The following GPATCH1 variants were observed in gnomAD, a reference collection of about 807,000 sequenced individuals.
GPATCH1 encodes G patch domain-containing protein 1.
A neutral mutation model predicts 114.9 loss-of-function variants in GPATCH1; 73 were observed. That is an observed-to-expected ratio of 0.64 (90% CI 0.53 to 0.77). The LOEUF (loss-of-function observed/expected upper bound fraction) is 0.77. GPATCH1 is among the 30% of genes least tolerant of loss of function. The pLI is 0.00. For synonymous variants in GPATCH1, 391 were observed against 428.4 expected, an observed-to-expected ratio of 0.91 and a Z score of 1.08; for missense variants, 1,058 against 1,144.3, an observed-to-expected ratio of 0.92 and a Z score of 1.09.
In GPATCH1 at chr19:33,113,726, C is replaced by T. The variant is rs367731719; in HGVS notation, c.1893-41C>T. On this transcript the variant is annotated intron_variant, in intron 13 of 19. Coordinates refer to ENST00000170564, the MANE Select transcript of GPATCH1 (RefSeq NM_018025.3). ...AGCTTTTCAGGAGGTGGATTTTGTCCTACTGGTTGTTACTAAAATGATTCT... is the reference window on the plus strand; with the variant it reads ...AGCTTTTCAGGAGGTGGATTTTGTCTTACTGGTTGTTACTAAAATGATTCT... 41 of 1,592,862 alleles carry T rather than the reference C, an allele frequency of 2.6e-5. No homozygotes were observed. The African/African-American group carries it at 3.5e-4, about 14-fold the overall frequency.
intron 1 of GPATCH1, among the ~76,000 whole-genome samples, chr19:33,085,138 A>G (rs935477980): frequency 2.6e-5 from 4 of 152,230 alleles, no homozygotes; most frequent in Middle Eastern, 3.4e-3. Context: ...GTGTCCTGAG[A>G]ACGGGAGCAG....
intron 3 of GPATCH1, among the ~76,000 whole-genome samples, chr19:33,092,472 G>A (rs1363374043): frequency 1.3e-5 from 2 of 152,122 alleles, no homozygotes; most frequent in Non-Finnish European, 2.9e-5. Flanking sequence ...AAGGAAAGTG[G>A]GATCAAAATG....
At position 33,090,763 on chromosome 19, in the gene GPATCH1, A is replaced by G. The variant is rs763932616; in HGVS notation, c.209-17A>G. 1.2e-5 allele frequency: 18 copies of G among 1,564,646 alleles called. No homozygotes were observed. On this transcript the variant is annotated splice_polypyrimidine_tract_variant and intron_variant, in intron 2 of 19. Transcript: ENST00000170564. Reference sequence around the variant, plus strand: ...TACTCTCTAGGATTGTAAAGTTCTAAACTCTTTTTTTTTCAGGATGGACAC... The same window carrying G: ...TACTCTCTAGGATTGTAAAGTTCTAGACTCTTTTTTTTTCAGGATGGACAC...
rs1461539215 is a variant in GPATCH1 at position 33,113,922 on chromosome 19, G to T, written c.2029+19G>T. 6.2e-7 allele frequency: 1 copy of T among 1,612,090 alleles called. No homozygotes were observed. Among genetic ancestry groups the T allele is most frequent in the Non-Finnish European group, 8.5e-7 (1 of 1,178,856 alleles). ...CCCGACAGTGAGTAGGGCGTCCCCG[G>T]GGTCTCTGATTGACCAGGGCCTCAA... is the stretch of plus-strand genomic sequence containing the variant. On this transcript the variant is annotated intron_variant, in intron 14 of 19. Coordinates refer to ENST00000170564, the MANE Select transcript of GPATCH1 (RefSeq NM_018025.3).
intron 13 of GPATCH1, 73 bp from the exon 14 acceptor site, chr19:33,113,694 G>A: frequency 7.4e-7 from 1 of 1,357,942 alleles, no homozygotes; most frequent in Non-Finnish European, 1.0e-6. Flanking sequence ...GAAAACTTGA[G>A]ATGGAAAGCT....
chr19:33,088,395 A>C (rs11672590), intron 2 of GPATCH1, 127 bp downstream of exon 2: 109,994 of 677,056 alleles, frequency 0.16, 10,269 homozygotes, highest in East Asian at 0.35. Flanking sequence ...CCCAGGCTGG[A>C]GTGCTGTTGT....
At position 33,096,457 on chromosome 19, in the gene GPATCH1, T is replaced by C. The variant is rs1388986731; in HGVS notation, c.852+11T>C. ...GGAATTTCAGGCCAGGTAAAATTAT[T>C]TTCTATTTTATAAAGGGGGAGTCAT... On this transcript the variant is annotated intron_variant, in intron 7 of 19. Coordinates refer to ENST00000170564, the MANE Select transcript of GPATCH1 (RefSeq NM_018025.3). 2 of 1,600,388 alleles carry C rather than the reference T, an allele frequency of 1.2e-6. No individual in the cohort carries two copies. The highest frequency in any genetic ancestry group is 4.5e-5 in the East Asian group (2 of 44,794).
intron 17 of GPATCH1, 121 bp downstream of exon 17, chr19:33,119,238 T>G: frequency 1.9e-6 from 1 of 539,130 alleles, no homozygotes; most frequent in Non-Finnish European, 3.3e-6. Flanking sequence ...ATGTTTTCAG[T>G]CATATTTTAA....
At chr19:33,125,437 T>C (rs1973030680) in intron 18 of GPATCH1, among the ~76,000 whole-genome samples, 1 of 151,934 alleles carries the variant, frequency 6.6e-6, no homozygotes, top group African/African-American at 2.4e-5. Flanking sequence ...CTCACTCTGT[T>C]GCCTAGGGTG....
intron 17 of GPATCH1, among the ~76,000 whole-genome samples, chr19:33,123,163 G>A (rs1973004844): frequency 6.6e-6 from 1 of 151,912 alleles, no homozygotes; most frequent in South Asian, 2.1e-4. Context: ...ACTTTGTGGG[G>A]GCCAAGGTGG....
intron 9 of GPATCH1, among the ~76,000 whole-genome samples, chr19:33,103,744 A>G (rs140964284): frequency 2.7e-4 from 41 of 152,240 alleles, no homozygotes; most frequent in African/African-American, 8.7e-4. Context: ...TTTAAAAATG[A>G]TGGAGAAGCA....
intron 2 of GPATCH1, among the ~76,000 whole-genome samples, chr19:33,090,167 G>A (rs1297277219): frequency 6.6e-6 from 1 of 152,154 alleles, no homozygotes; most frequent in African/African-American, 2.4e-5. Flanking sequence ...GCACATGCTC[G>A]GTAACCGTGG....
At chr19:33,081,551 A>C (rs990746761) in intron 1 of GPATCH1, among the ~76,000 whole-genome samples, 1 of 152,152 alleles carries the variant, frequency 6.6e-6, no homozygotes, top group Non-Finnish European at 1.5e-5. Flanking sequence ...GTGCTCAGGC[A>C]GTGTCTTCCC....
chr19:33,125,252 G>C, intron 18 of GPATCH1, 50 bp downstream of exon 18: 1 of 1,560,072 alleles, frequency 6.4e-7, no homozygotes. Flanking sequence ...GGACCCGCTG[G>C]TCAGCCCCCA....
At chr19:33,097,398 G>A (rs1044296371) in intron 7 of GPATCH1, among the ~76,000 whole-genome samples, 1 of 152,202 alleles carries the variant, frequency 6.6e-6, no homozygotes, top group Non-Finnish European at 1.5e-5. Context: ...GGCCCAGGCC[G>A]CATTGATCAG....
chr19:33,111,735 C>T lies in GPATCH1; in HGVS notation c.1597C>T (p.Arg533Cys), dbSNP rs199600872. The part of the protein sequence containing the change: ...MKQGQKDALE[R>C]CLDPSMTEWE... The stretch of plus-strand genomic sequence containing the variant: ...CTCTGCCCCCGCAGATGCTCTGGAA[C>T]GCTGTCTGGACCCCAGCATGACAGA... The change falls in exon 12 of 20, where the codon CGC becomes TGC. Residue 533 changes from arginine (R) to cysteine (C), a missense_variant. Arg to Cys is a radical substitution (Grantham distance 180, BLOSUM62 -3). Coordinates refer to ENST00000170564, the MANE Select transcript of GPATCH1 (RefSeq NM_018025.3). 1.1e-4 allele frequency: 173 copies of T among 1,613,894 alleles called. 1 individual carries two copies. The highest frequency in any genetic ancestry group is 6.0e-4 in the Admixed American group (36 of 59,992).
chr19:33,126,712 C>A lies in GPATCH1; in HGVS notation c.2744C>A (p.Ser915Ter). ...SQSDEETADV[S>*]PQELLRRLKS... ...AGTGACGAGGAAACCGCAGACGTGT[C>A]GCCCCAGGAGCTGCTGAGACGGTGG... The change falls in exon 19 of 20, where the codon TCG becomes TAG. Residue 915 changes from serine to a stop codon, truncating the protein, a stop_gained. Transcript: ENST00000170564. LOFTEE classifies it high-confidence loss of function. 1 of 1,613,364 alleles carries A rather than the reference C, an allele frequency of 6.2e-7. No homozygotes were observed. Among genetic ancestry groups the A allele is most frequent in the Non-Finnish European group, 8.5e-7 (1 of 1,179,876 alleles).
chr19:33,093,419 A>C lies in GPATCH1; in HGVS notation c.355A>C (p.Lys119Gln). ...AIVTTDDFAS[K>Q]TKDRIREKAR... ...TGTCACCACAGACGATTTTGCCTCC[A>C]AAACCAAAGACAGAATACGAGAAAA... Residue 119 changes from lysine to glutamine, a missense_variant, in exon 4 of 20, where the codon AAA becomes CAA. Physicochemically the swap from Lys to Gln is moderately conservative, Grantham distance 53. Around this residue, in one of 3 missense-constraint regions of GPATCH1, gnomAD observed 34 missense variants for 59.6 expected, o/e 0.57. Transcript: ENST00000170564. The C allele has an allele frequency of 1.2e-6, 2 of 1,613,960 alleles. No individual in the cohort carries two copies. Among genetic ancestry groups the C allele is most frequent in the Admixed American group, 1.7e-5 (1 of 59,996 alleles).
In GPATCH1 at chr19:33,097,799, T is replaced by C. The variant is rs1409331950; in HGVS notation, c.897T>C (p.Tyr299=). The part of the protein sequence containing the change: ...GALEEEDDDI[Y]ATETLSKYDT... ...TGGAAGAGGAAGATGATGATATCTA[T>C]GCCACAGAAACTCTATCCAAGTATG... is the stretch of plus-strand genomic sequence containing the variant. The change falls in exon 8 of 20, where the codon TAT becomes TAC. Residue 299 remains tyrosine, a synonymous_variant. Transcript: ENST00000170564. 6.2e-7 allele frequency: 1 copy of C among 1,613,914 alleles called. No homozygotes were observed. The highest frequency in any genetic ancestry group is 2.2e-5 in the East Asian group (1 of 44,894).
Sources: gnomAD v4.1 joint callset for allele counts (sites outside exome capture counted in the v4.1 genomes callset) on GRCh38, gnomAD v4.1.1 for gene constraint, gnomAD v4.1.1 regional missense constraint, MANE v1.5 for transcripts, NCBI Gene and HGNC (gene_info 2026-07-23, HGNC 2026-07-21) for gene names.